Variants in ZBED5 observed in about 807,000 individuals in gnomAD.
The protein encoded by ZBED5 is zinc finger BED-type containing 5.
In ZBED5, 29 loss-of-function variants were observed where a neutral mutation model predicts 49.2. That is an observed-to-expected ratio of 0.59 (90% CI 0.44 to 0.80). ZBED5 has a LOEUF of 0.80. Among genes scored for constraint, ZBED5 ranks in the 30% least tolerant of loss-of-function variants. The pLI is 0.00. For synonymous variants in ZBED5, 281 were observed against 292.5 expected, an observed-to-expected ratio of 0.96 and a Z score of 0.40; for missense variants, 775 against 812.9, an observed-to-expected ratio of 0.95 and a Z score of 0.57.
chr11:10,853,406 A>C lies in ZBED5; in HGVS notation c.1540T>G (p.Phe514Val). The change falls in exon 3 of 3, where the codon TTT (phenylalanine) becomes GTT (valine). Residue 514 changes from phenylalanine to valine, a missense_variant. Transcript: ENST00000413761. The surrounding 1 kb of genome is among the most constrained non-coding windows in gnomAD (Gnocchi z 5.4). The part of the protein sequence containing the change: ...KMSSLLRKLE[F>V]WASSVEEENF... ...TCTTCTTCTACAGATGAGGCCCAAA[A>C]TTCCAATTTTCTTAACAATGACGAC... 1 of 1,549,812 alleles carries C rather than the reference A, an allele frequency of 6.5e-7. No individual in the cohort carries two copies.
At position 10,855,105 on chromosome 11, in the gene ZBED5, C is replaced by T; in HGVS notation, c.-141-19G>A. On this transcript the variant is annotated intron_variant, in intron 2 of 2. Coordinates refer to ENST00000413761, the MANE Select transcript of ZBED5 (RefSeq NM_001143667.2). The surrounding 1 kb of genome is among the most constrained non-coding windows in gnomAD (Gnocchi z 4.1). Reference sequence around the variant, plus strand: ...ACCTTTTCTTAAAGGTAGATTATCACATAAAAATAAAAGCTATAGAAATGA... The same window carrying T: ...ACCTTTTCTTAAAGGTAGATTATCATATAAAAATAAAAGCTATAGAAATGA... 1 of 823,450 alleles carries T rather than the reference C, an allele frequency of 1.2e-6. No homozygotes were observed. The highest frequency in any genetic ancestry group is 1.8e-6 in the Non-Finnish European group (1 of 554,150). The allele number at this position is 823,450 out of a possible 1,614,324, so 51.0% of individuals were successfully genotyped here. A position where few individuals can be genotyped will look rare whatever the true frequency, so the allele number is the denominator to read the frequency against.
Position 10,853,422 on chromosome 11 carries a change from C to A in ZBED5, c.1524G>T (p.Leu508Phe). The change falls in exon 3 of 3, where the codon TTG becomes TTT. Residue 508 changes from leucine to phenylalanine, a missense_variant. Physicochemically the swap from Leu to Phe is conservative, Grantham distance 22. Coordinates refer to ENST00000413761, the MANE Select transcript of ZBED5 (RefSeq NM_001143667.2). This position sits in a 1 kb window ranked among gnomAD's most constrained non-coding sequence, Gnocchi z 5.4. ...AGGCCCAAAATTCCAATTTTCTTAA[C>A]AATGACGACATTTTATCAAATACTG... is the stretch of plus-strand genomic sequence containing the variant. Reference protein sequence around the residue: ...VFTVFDKMSSLLRKLEFWASS... With the variant: ...VFTVFDKMSSFLRKLEFWASS... The A allele has an allele frequency of 6.5e-7, 1 of 1,549,694 alleles. No homozygotes were observed. Among genetic ancestry groups the A allele is most frequent in the Non-Finnish European group, 8.7e-7 (1 of 1,146,006 alleles).
At position 10,854,194 on chromosome 11, in the gene ZBED5, C is replaced by T. The variant is rs776303656; in HGVS notation, c.752G>A (p.Arg251Gln). 2.6e-5 allele frequency: 40 copies of T among 1,550,766 alleles called. No individual in the cohort carries two copies. Among genetic ancestry groups the T allele is most frequent in the African/African-American group, 1.9e-4 (14 of 72,954 alleles). Residue 251 changes from arginine (R) to glutamine (Q), a missense_variant, in exon 3 of 3, where the codon CGA becomes CAA. By Grantham distance (43) the Arg-to-Gln change is conservative. Transcript: ENST00000413761. The surrounding 1 kb of genome is among the most constrained non-coding windows in gnomAD (Gnocchi z 5.0). The stretch of plus-strand genomic sequence containing the variant: ...AATGTCAGCAGCTAGATCCTTAATT[C>T]GACGTGCAACAGTACTGTTTGATAG... Reference protein sequence around the residue: ...VQLSNSTVARRIKDLAADIEE... With the variant: ...VQLSNSTVARQIKDLAADIEE...
At position 10,855,156 on chromosome 11, in the gene ZBED5, A is replaced by G; in HGVS notation, c.-141-70T>C. Reference sequence around the variant, plus strand: ...GTTTAGCAGTCTTAATCTCATATTTAAATAAACATATTAAAATCAACCATA... The same window carrying G: ...GTTTAGCAGTCTTAATCTCATATTTGAATAAACATATTAAAATCAACCATA... On this transcript the variant is annotated intron_variant, in intron 2 of 2. Transcript: ENST00000413761. The surrounding 1 kb of genome is among the most constrained non-coding windows in gnomAD (Gnocchi z 4.1). 2.1e-6 allele frequency: 1 copy of G among 468,984 alleles called. No individual in the cohort carries two copies. Among genetic ancestry groups the G allele is most frequent in the Non-Finnish European group, 3.7e-6 (1 of 269,984 alleles). 29.1% of individuals were successfully genotyped at this position (468,984 alleles called of 1,614,324 possible).
Position 10,854,415 on chromosome 11 carries a change from AT to A in ZBED5, c.530del (p.Asn177IlefsTer10). The A allele has an allele frequency of 6.4e-7, 1 of 1,551,190 alleles. No homozygotes were observed. The highest frequency in any genetic ancestry group is 8.7e-7 in the Non-Finnish European group (1 of 1,146,868). ...CAATTTTAGGTGTTGGGGGTTTATT[AT>A]TTTCAGGTGAATCGAGATGTTGCTT... ...FFKQHLDSPENNKPPTPKIVN... is the reference protein window; with the variant it reads ...FFKQHLDSPEXNKPPTPKIVN... On this transcript the variant is annotated frameshift_variant, in exon 3 of 3. Coordinates refer to ENST00000413761, the MANE Select transcript of ZBED5 (RefSeq NM_001143667.2). LOFTEE classifies it high-confidence loss of function. The surrounding 1 kb of genome is among the most constrained non-coding windows in gnomAD (Gnocchi z 5.0).
In ZBED5 at chr11:10,855,272, A is replaced by G. The variant is rs2119519819; in HGVS notation, c.-141-186T>C. Among the ~76,000 whole-genome samples, 1 of 152,314 alleles carries G rather than the reference A, an allele frequency of 6.6e-6. No individual in the cohort carries two copies. Among genetic ancestry groups the G allele is most frequent in the African/African-American group, 2.4e-5 (1 of 41,584 alleles). Reference sequence around the variant, plus strand: ...TTCTATAAAACATAATTTGGGAATCACTGAGCCAATAAATTATTAAGAGTT... The same window carrying G: ...TTCTATAAAACATAATTTGGGAATCGCTGAGCCAATAAATTATTAAGAGTT... On this transcript the variant is annotated intron_variant, in intron 2 of 2. Coordinates refer to ENST00000413761, the MANE Select transcript of ZBED5 (RefSeq NM_001143667.2). This position sits in a 1 kb window ranked among gnomAD's most constrained non-coding sequence, Gnocchi z 4.1.
chr11:10,856,358 T>A (rs1023794633), intron 1 of ZBED5, 101 bp from the exon 2 acceptor site: 4 of 152,162 alleles, frequency 2.6e-5, no homozygotes, highest in Admixed American at 2.6e-4. Flanking sequence ...GTGAAAATGA[T>A]TCTTTACTGC....
chr11:10,852,787 A>G lies in ZBED5; in HGVS notation c.*77T>C. ...GAATCATTTTATTTAAATCCCCCAAATACCAGAGATGAAGTAAATCATCTT... is the reference window on the plus strand; with the variant it reads ...GAATCATTTTATTTAAATCCCCCAAGTACCAGAGATGAAGTAAATCATCTT... On this transcript the variant is annotated 3_prime_UTR_variant, in exon 3 of 3. Coordinates refer to ENST00000413761, the MANE Select transcript of ZBED5 (RefSeq NM_001143667.2). 4 of 1,422,154 alleles carry G rather than the reference A, an allele frequency of 2.8e-6. No individual in the cohort carries two copies. The highest frequency in any genetic ancestry group is 3.7e-6 in the Non-Finnish European group (4 of 1,085,108). 88.1% of individuals were successfully genotyped at this position (1,422,154 alleles called of 1,614,324 possible). A position where few individuals can be genotyped will look rare whatever the true frequency, so the allele number is the denominator to read the frequency against.
In ZBED5 at chr11:10,855,204, A is replaced by G. The variant is rs1394311419; in HGVS notation, c.-141-118T>C. ...ATAAAGAAAAACCAATATTAGCATC[A>G]ATCATTTTCTCAAAACATTTATTAA... On this transcript the variant is annotated intron_variant, in intron 2 of 2. Coordinates refer to ENST00000413761, the MANE Select transcript of ZBED5 (RefSeq NM_001143667.2). This position sits in a 1 kb window ranked among gnomAD's most constrained non-coding sequence, Gnocchi z 4.1. The G allele has an allele frequency of 6.0e-6, 2 of 332,422 alleles. No individual in the cohort carries two copies. The highest frequency in any genetic ancestry group is 1.0e-4 in the East Asian group (2 of 19,192). 20.6% of individuals were successfully genotyped at this position (332,422 alleles called of 1,614,324 possible).
rs1564997949 is a variant in ZBED5 at position 10,853,650 on chromosome 11, C to T, written c.1296G>A (p.Val432=). 1.3e-6 allele frequency: 2 copies of T among 1,551,662 alleles called. No homozygotes were observed. The highest frequency in any genetic ancestry group is 8.7e-7 in the Non-Finnish European group (1 of 1,146,934). ...GAACTTTACCTCGAGAAAGCCACCT[C>T]ACCTCTGTATTTAGAAGAAGTGCTG... ...QHTALLLNTE[V]RWLSRGKVLV... is the part of the protein sequence containing the mutation. The change falls in exon 3 of 3, where the codon GTG becomes GTA. Residue 432 remains valine (V), a synonymous_variant. Transcript: ENST00000413761. The surrounding 1 kb of genome is among the most constrained non-coding windows in gnomAD (Gnocchi z 5.4).
In ZBED5 at chr11:10,854,118, T is replaced by C. The variant is rs922372191; in HGVS notation, c.828A>G (p.Gln276=). 7 of 1,550,720 alleles carry C rather than the reference T, an allele frequency of 4.5e-6. No individual in the cohort carries two copies. Among genetic ancestry groups the C allele is most frequent in the African/African-American group, 1.4e-5 (1 of 72,958 alleles). The stretch of plus-strand genomic sequence containing the variant: ...CTGAAACATCAGCTGATTCATCTAG[T>C]TGCAGTGAAAACCCATCGCAAATTT... ...RLKICDGFSL[Q]LDESADVSGL... The change falls in exon 3 of 3, where the codon CAA becomes CAG. Residue 276 remains glutamine, a synonymous_variant. Coordinates refer to ENST00000413761, the MANE Select transcript of ZBED5 (RefSeq NM_001143667.2). This position sits in a 1 kb window ranked among gnomAD's most constrained non-coding sequence, Gnocchi z 5.0.
Position 10,853,997 on chromosome 11 carries a change from C to G in ZBED5, c.949G>C (p.Gly317Arg), listed in dbSNP as rs538910635. 3 of 1,551,310 alleles carry G rather than the reference C, an allele frequency of 1.9e-6. No individual in the cohort carries two copies. The highest frequency in any genetic ancestry group is 2.7e-5 in the African/African-American group (2 of 72,962). Reference sequence around the variant, plus strand: ...TTGATACAGTTGAATATTTCTTCACCGGTAGCATTACTTTGCAAAGATTCA... The same window carrying G: ...TTGATACAGTTGAATATTTCTTCACGGGTAGCATTACTTTGCAAAGATTCA... ...LCESLQSNAT[G>R]EEIFNCINSF... The change falls in exon 3 of 3, where the codon GGT (glycine) becomes CGT (arginine). Residue 317 changes from glycine (G) to arginine (R), a missense_variant. Coordinates refer to ENST00000413761, the MANE Select transcript of ZBED5 (RefSeq NM_001143667.2). This position sits in a 1 kb window ranked among gnomAD's most constrained non-coding sequence, Gnocchi z 5.4.
In ZBED5 at chr11:10,853,790, T is replaced by A. The variant is rs1848136713; in HGVS notation, c.1156A>T (p.Thr386Ser). The A allele has an allele frequency of 6.4e-7, 1 of 1,551,658 alleles. No homozygotes were observed. Among genetic ancestry groups the A allele is most frequent in the South Asian group, 1.2e-5 (1 of 84,062 alleles). Residue 386 changes from threonine to serine, a missense_variant, in exon 3 of 3, where the codon ACA (threonine) becomes TCA (serine). Physicochemically the swap from Thr to Ser is moderately conservative, Grantham distance 58. Transcript: ENST00000413761. The surrounding 1 kb of genome is among the most constrained non-coding windows in gnomAD (Gnocchi z 5.4). ...RHALAVKIMP[T>S]SLKNVLDQAV... The stretch of plus-strand genomic sequence containing the variant: ...TGGTCTAGCACATTTTTTAGAGATG[T>A]AGGCATTATTTTAACTGCCAGTGCA...
chr11:10,856,007 G>A (rs1848175348), intron 2 of ZBED5, 137 bp downstream of exon 2: 1 of 152,048 alleles, frequency 6.6e-6, no homozygotes, highest in South Asian at 2.1e-4. Context: ...ATAAATCAAG[G>A]CATACAAATT....
rs2232918 is a variant in ZBED5 at position 10,854,896 on chromosome 11, G to A, written c.50C>T (p.Ala17Val). Residue 17 changes from alanine to valine, a missense_variant, in exon 3 of 3, where the codon GCG becomes GTG. Coordinates refer to ENST00000413761, the MANE Select transcript of ZBED5 (RefSeq NM_001143667.2). This position sits in a 1 kb window ranked among gnomAD's most constrained non-coding sequence, Gnocchi z 5.0. The stretch of plus-strand genomic sequence containing the variant: ...TAATTTAGAATAGACATTGAGTATC[G>A]CAAATGTGTTGAAATTATAAGACAG... ...CILSYNFNTF[A>V]ILNVYSKLTM... 0.067 allele frequency: 103,765 copies of A among 1,551,368 alleles called. 3,949 individuals carry two copies. The highest frequency in any genetic ancestry group is 0.078 in the Non-Finnish European group (89,467 of 1,146,756).
Position 10,853,005 on chromosome 11 carries a change from C to G in ZBED5, c.1941G>C (p.Gly647=). The change falls in exon 3 of 3, where the codon GGG becomes GGC. Residue 647 remains glycine, a synonymous_variant. Coordinates refer to ENST00000413761, the MANE Select transcript of ZBED5 (RefSeq NM_001143667.2). This position sits in a 1 kb window ranked among gnomAD's most constrained non-coding sequence, Gnocchi z 5.4. The part of the protein sequence containing the change: ...PFATMHLCET[G]FSYYAATKTK... ...TTTTTGTTGCAGCGTAATATGAAAA[C>G]CCCGTTTCACACAGGTGCATTGTAG... 1 of 1,551,616 alleles carries G rather than the reference C, an allele frequency of 6.4e-7. No individual in the cohort carries two copies. The highest frequency in any genetic ancestry group is 8.7e-7 in the Non-Finnish European group (1 of 1,146,962).
Position 10,854,281 on chromosome 11 carries a change from G to A in ZBED5, c.665C>T (p.Ala222Val). The stretch of plus-strand genomic sequence containing the variant: ...AAACATCCGCATCACTACATCTTTT[G>A]CACAAGGTTTGATAAGCAATTCTCC... ...TIGELLIKPC[A>V]KDVVMRMFDE... Residue 222 changes from alanine (A) to valine (V), a missense_variant, in exon 3 of 3, where the codon GCA (alanine) becomes GTA (valine). Physicochemically the swap from Ala to Val is moderately conservative, Grantham distance 64. Transcript: ENST00000413761. The surrounding 1 kb of genome is among the most constrained non-coding windows in gnomAD (Gnocchi z 5.0). 1 of 1,550,862 alleles carries A rather than the reference G, an allele frequency of 6.4e-7. No homozygotes were observed. The highest frequency in any genetic ancestry group is 8.7e-7 in the Non-Finnish European group (1 of 1,146,876).
rs1383289023 is a variant in ZBED5, at chr11:10,854,566, G to A, written c.380C>T (p.Ala127Val). Residue 127 changes from alanine (A) to valine (V), a missense_variant, in exon 3 of 3, where the codon GCA becomes GTA. Transcript: ENST00000413761. This position sits in a 1 kb window ranked among gnomAD's most constrained non-coding sequence, Gnocchi z 5.0. ...ACATAATACACACTGAGCATGAGGT[G>A]CATCTCTATTTCCGAAGTAAGTAAA... ...FGFTYFGNRD[A>V]PHAQCVLCKK... 3.9e-6 allele frequency: 6 copies of A among 1,551,248 alleles called. No homozygotes were observed. The highest frequency in any genetic ancestry group is 3.9e-5 in the Admixed American group (2 of 50,980).
In ZBED5 at chr11:10,854,723, A is replaced by G. The variant is rs1384039881; in HGVS notation, c.223T>C (p.Leu75=). 6.4e-7 allele frequency: 1 copy of G among 1,551,512 alleles called. No individual in the cohort carries two copies. The highest frequency in any genetic ancestry group is 8.7e-7 in the Non-Finnish European group (1 of 1,146,962). ...VGILQSEDKQ[L]QPSVSKKSEG... is the part of the protein sequence containing the mutation. ...GATTTTTTAGAAACTGAAGGTTGCA[A>G]CTGCTTATCTTCACTTTGTAATATT... Residue 75 remains leucine (L), a synonymous_variant, in exon 3 of 3, where the codon TTG becomes CTG. Transcript: ENST00000413761. This position sits in a 1 kb window ranked among gnomAD's most constrained non-coding sequence, Gnocchi z 5.0.
Sources: allele counts gnomAD v4.1 joint callset (sites outside exome capture counted in the v4.1 genomes callset), GRCh38; gene constraint gnomAD v4.1.1; non-coding constraint Gnocchi (gnomAD v3.1); transcripts MANE v1.5; gene names NCBI Gene and HGNC (gene_info 2026-07-23, HGNC 2026-07-21).